AVEN: variants seen among roughly 807,000 people sequenced by gnomAD.
AVEN encodes the protein cell death regulator Aven.
A neutral mutation model predicts 38.1 loss-of-function variants in AVEN; 41 were observed. The ratio of observed to expected loss-of-function variants is 1.08; its 90% CI spans 0.84 to 1.40. The LOEUF (loss-of-function observed/expected upper bound fraction) is 1.40. AVEN is among the 40% of genes most tolerant of loss of function. The probability of loss-of-function intolerance (pLI) is 0.00; values close to 1 mark genes in which losing one functional copy is unlikely to be tolerated. For synonymous variants in AVEN, 206 were observed against 171.8 expected, an observed-to-expected ratio of 1.20 and a Z score of -1.56; for missense variants, 605 against 438.8, an observed-to-expected ratio of 1.38 and a Z score of -3.38.
chr15:33,866,599 TTTTTTTCCCC>T lies in AVEN; in HGVS notation c.*4_*13del. The stretch of plus-strand genomic sequence containing the variant: ...GGCAACCAAGATTTGCTTCAGGCAC[TTTTTTTCCCC>T]TTTTTAGGAAATCATGCTGTCCAAC... On this transcript the variant is annotated 3_prime_UTR_variant, in exon 6 of 6. Coordinates refer to ENST00000306730, the MANE Select transcript of AVEN (RefSeq NM_020371.3). 6.2e-7 allele frequency: 1 copy of T among 1,602,150 alleles called. No individual in the cohort carries two copies. Among genetic ancestry groups the T allele is most frequent in the Non-Finnish European group, 8.5e-7 (1 of 1,170,432 alleles).
chr15:33,864,908 G>C (rs1484245467), downstream of AVEN: 3 of 502,764 alleles, frequency 6.0e-6, no homozygotes, highest in South Asian at 3.4e-5. Flanking sequence ...GTTTGGGGCA[G>C]AGGGGGATTT....
At chr15:33,887,107 A>G (rs530344690) in intron 2 of AVEN, among the ~76,000 whole-genome samples, 1 of 152,350 alleles carries the variant, frequency 6.6e-6, no homozygotes, top group East Asian at 1.9e-4. Context: ...CAAACCACAA[A>G]GTATGTAAGA....
At chr15:33,991,181 C>T (rs534732384) in intron 2 of AVEN, 1 of 152,276 alleles carries the variant, frequency 6.6e-6, no homozygotes, top group African/African-American at 2.4e-5. Context: ...AAGCAATCAA[C>T]ACGTGCAGTG....
intron 2 of AVEN, among the ~76,000 whole-genome samples, chr15:33,961,617 T>C (rs1051383689): frequency 2.1e-4 from 32 of 151,432 alleles, no homozygotes; most frequent in Non-Finnish European, 3.1e-4. Flanking sequence ...ATCGAGACCA[T>C]TCTGGCTAAC....
At chr15:34,032,417 T>C (rs992745612) in intron 1 of AVEN, among the ~76,000 whole-genome samples, 1 of 152,182 alleles carries the variant, frequency 6.6e-6, no homozygotes, top group Admixed American at 6.5e-5. Flanking sequence ...TATCGATTTA[T>C]GAGCGAGCTA....
chr15:33,863,824 TTTTA>T (rs1455223824), downstream of AVEN, among the ~76,000 whole-genome samples: 1 of 152,196 alleles, frequency 6.6e-6, no homozygotes, highest in Admixed American at 6.5e-5. Context: ...TGGGCTACCA[TTTTA>T]TTGTTTTATT....
chr15:33,884,058 C>T lies in AVEN; in HGVS notation c.446-8063G>A, dbSNP rs1232202554. ...GCTTCTCCAAAAGACAACCTGGCAT[C>T]GATTTTTCTCAAACTCCTGGGCTCA... On this transcript the variant is annotated intron_variant, in intron 2 of 5. Coordinates refer to ENST00000306730, the MANE Select transcript of AVEN (RefSeq NM_020371.3). 2.0e-5 allele frequency among the ~76,000 whole-genome samples: 3 copies of T among 152,140 alleles called. No homozygotes were observed. The East Asian group carries it at 5.8e-4, about 29-fold the overall frequency.
the AVEN span, chr15:33,853,693 C>T: frequency 9.4e-5 from 151 of 1,609,690 alleles, no homozygotes; most frequent in Non-Finnish European, 1.2e-4. Context: ...GTACAAAAAG[C>T]TTAGGAGTTC....
intron 2 of AVEN, among the ~76,000 whole-genome samples, chr15:33,890,616 A>G (rs1265915262): frequency 6.6e-6 from 1 of 151,976 alleles, no homozygotes; most frequent in Non-Finnish European, 1.5e-5. Context: ...AAATCAAATA[A>G]CTCAAATAAG....
chr15:33,922,831 C>T (rs1193710011), intron 2 of AVEN, among the ~76,000 whole-genome samples: 1 of 152,140 alleles, frequency 6.6e-6, no homozygotes, highest in Non-Finnish European at 1.5e-5. Context: ...ACTTCTTATG[C>T]TCTTTCTTGG....
downstream of AVEN, chr15:33,857,950 C>T (rs762476663): frequency 1.6e-5 from 24 of 1,495,416 alleles, no homozygotes; most frequent in Non-Finnish European, 2.2e-5. Flanking sequence ...AGCCCACCCA[C>T]TGCGGGGCCA....
intron 2 of AVEN, among the ~76,000 whole-genome samples, chr15:33,899,115 T>G (rs1178635992): frequency 6.6e-6 from 1 of 151,984 alleles, no homozygotes; most frequent in African/African-American, 2.4e-5. Context: ...AAATAAGGAT[T>G]CTGTACTTCA....
downstream of AVEN, chr15:33,854,856 A>G (rs763104792): frequency 2.5e-6 from 4 of 1,613,818 alleles, no homozygotes; most frequent in South Asian, 1.1e-5. Context: ...GGACATCGCA[A>G]TGGGCTTCAA....
rs139457373 is a variant in AVEN at position 33,917,878 on chromosome 15, G to A, written c.446-41883C>T. On this transcript the variant is annotated intron_variant, in intron 2 of 5. Coordinates refer to ENST00000306730, the MANE Select transcript of AVEN (RefSeq NM_020371.3). Reference sequence around the variant, plus strand: ...ACAGTGTACACTACTCAGGTGATGCGTGCACCAAAAACTCAGAAATCACCA... The same window carrying A: ...ACAGTGTACACTACTCAGGTGATGCATGCACCAAAAACTCAGAAATCACCA... Among the ~76,000 whole-genome samples the A allele has an allele frequency of 1.6e-3, 247 of 152,158 alleles. 1 individual carries two copies. Among genetic ancestry groups the A allele is most frequent in the African/African-American group, 5.7e-3 (235 of 41,498 alleles).
rs926671894 is a variant in AVEN, at chr15:33,866,625, G to A, written c.1077C>T (p.Ser359=). The A allele has an allele frequency of 2.5e-6, 4 of 1,613,030 alleles. No homozygotes were observed. The highest frequency in any genetic ancestry group is 2.2e-5 in the South Asian group (2 of 90,920). The change falls in exon 6 of 6, where the codon AGC becomes AGT. Residue 359 remains serine (S), a synonymous_variant. Transcript: ENST00000306730. The stretch of plus-strand genomic sequence containing the variant: ...TTTTTTCCCCTTTTTAGGAAATCAT[G>A]CTGTCCAACCAGTCTTCCAGCTCTT... ...TEEELEDWLD[S]MIS
intron 2 of AVEN, chr15:33,885,480 C>T (rs760227012): frequency 5.3e-5 from 8 of 152,174 alleles, no homozygotes; most frequent in African/African-American, 7.2e-5. Flanking sequence ...CAAGCGACAC[C>T]TAACACTTTG....
chr15:33,928,875 T>C (rs1597241009), intron 2 of AVEN, among the ~76,000 whole-genome samples: 1 of 152,224 alleles, frequency 6.6e-6, no homozygotes, highest in South Asian at 2.1e-4. Flanking sequence ...TAATAACAAA[T>C]AAAGCAGAAT....
intron 3 of AVEN, among the ~76,000 whole-genome samples, chr15:33,873,400 CCT>C (rs1408580503): frequency 2.7e-5 from 4 of 150,210 alleles, no homozygotes; most frequent in Non-Finnish European, 5.9e-5. Flanking sequence ...GCGCCCGCCC[CCT>C]CTCTATTGTC....
At chr15:33,909,930 A>G (rs1302846062) in intron 2 of AVEN, among the ~76,000 whole-genome samples, 1 of 151,524 alleles carries the variant, frequency 6.6e-6, no homozygotes, top group Non-Finnish European at 1.5e-5. Context: ...GGAGTTTGAG[A>G]CCAGCCTGGC....
Sources: allele counts gnomAD v4.1 joint callset (sites outside exome capture counted in the v4.1 genomes callset), GRCh38; gene constraint gnomAD v4.1.1; transcripts MANE v1.5; gene names NCBI Gene and HGNC (gene_info 2026-07-23, HGNC 2026-07-21).